The following NSDHL variants were observed in gnomAD, a reference collection of about 807,000 sequenced individuals.
The protein encoded by NSDHL is NAD(P) dependent 3-beta-hydroxysteroid dehydrogenase NSDHL.
Under a neutral mutation model 23.0 loss-of-function variants are expected in NSDHL, and 1 was observed. The ratio of observed to expected loss-of-function variants is 0.04; its 90% confidence interval spans 0.02 to 0.21. The LOEUF (loss-of-function observed/expected upper bound fraction) is 0.21, where lower values mean the gene tolerates loss of function less well. NSDHL is among the 10% of genes least tolerant of loss of function. The pLI is 1.00. For synonymous variants in NSDHL, 128 were observed against 121.1 expected (o/e 1.06, Z -0.37); for missense variants, 237 against 300.9 (o/e 0.79, Z 1.57).
chrX:152,843,334 G>C (rs1933222998), intron 1 of NSDHL, among the ~76,000 whole-genome samples: 2 of 111,918 alleles, frequency 1.8e-5, no homozygotes, highest in South Asian at 7.5e-4. Flanking sequence ...TAGTTTGCTG[G>C]GTCTGCTGTA....
chrX:152,863,664 G>GC (rs1451859243), intron 5 of NSDHL, among the ~76,000 whole-genome samples: 1 of 112,731 alleles, frequency 8.9e-6, no homozygotes, highest in Non-Finnish European at 1.9e-5. Context: ...GGGCTGTGGG[G>GC]CCCCTGACAA....
At chrX:152,856,356 C>A (rs1933444346) in intron 3 of NSDHL, among the ~76,000 whole-genome samples, 1 of 112,198 alleles carries the variant, frequency 8.9e-6, no homozygotes, top group Non-Finnish European at 1.9e-5. Context: ...TTTCTTTTTA[C>A]TTTTTAATGT....
Position 152,868,884 on chromosome X carries a change from A to C in NSDHL, c.890A>C (p.Tyr297Ser), listed in dbSNP as rs781876487. 75 of 1,209,334 alleles carry C rather than the reference A, an allele frequency of 6.2e-5. No individual in the cohort carries two copies. The highest frequency in any genetic ancestry group is 8.4e-5 in the Non-Finnish European group (75 of 894,408). ...GAGGCCCCCAAGTACCACATCCCCT[A>C]CTGGGTGGCCTACTACCTGGCCCTC... The part of the protein sequence containing the change: ...NYEAPKYHIP[Y>S]WVAYYLALLL... The change falls in exon 8 of 8, where the codon TAC becomes TCC. Residue 297 changes from tyrosine to serine, a missense_variant. Coordinates refer to ENST00000370274, the MANE Select transcript of NSDHL (RefSeq NM_015922.3).
intron 5 of NSDHL, among the ~76,000 whole-genome samples, chrX:152,863,796 G>A (rs1556847755): frequency 8.9e-6 from 1 of 112,009 alleles, no homozygotes; most frequent in African/African-American, 3.2e-5. Context: ...TCCCAGGTGT[G>A]TGCAGTGTAT....
intron 1 of NSDHL, among the ~76,000 whole-genome samples, chrX:152,845,380 G>A (rs963752616): frequency 8.9e-5 from 10 of 111,931 alleles, no homozygotes; most frequent in African/African-American, 2.3e-4. Flanking sequence ...TTGTCTTGTC[G>A]TGGGTTTTGC....
chrX:152,836,542 C>A (rs1556844120), intron 1 of NSDHL, among the ~76,000 whole-genome samples: 1 of 111,847 alleles, frequency 8.9e-6, no homozygotes, highest in Non-Finnish European at 1.9e-5. Context: ...TTTCCCAGCA[C>A]CATTTATTAA....
chrX:152,859,383 G>T (rs1371535269), intron 4 of NSDHL, among the ~76,000 whole-genome samples: 1 of 110,947 alleles, frequency 9.0e-6, no homozygotes, highest in Non-Finnish European at 1.9e-5. Context: ...CTCCTCAATC[G>T]CCCTTCCCTA....
intron 3 of NSDHL, among the ~76,000 whole-genome samples, chrX:152,852,386 C>CATGT (rs1933371204): frequency 8.9e-6 from 1 of 111,787 alleles, no homozygotes; most frequent in Admixed American, 9.5e-5. Context: ...TTTCTTCTTA[C>CATGT]AGAAACCTCA....
intron 4 of NSDHL, among the ~76,000 whole-genome samples, chrX:152,861,889 G>A (rs1556847561): frequency 8.9e-6 from 1 of 112,139 alleles, no homozygotes; most frequent in African/African-American, 3.2e-5. Context: ...TGTTTTCTGT[G>A]TAGATTTTTC....
chrX:152,850,778 T>C (rs1933344489), intron 3 of NSDHL, among the ~76,000 whole-genome samples: 1 of 112,537 alleles, frequency 8.9e-6, no homozygotes, highest in East Asian at 2.8e-4. Flanking sequence ...GATTTTTTAA[T>C]TGAGATATAA....
At chrX:152,843,853 A>G in intron 1 of NSDHL, among the ~76,000 whole-genome samples, 1 of 112,395 alleles carries the variant, frequency 8.9e-6, no homozygotes, top group East Asian at 2.8e-4. Flanking sequence ...CTCCTGCCCC[A>G]TGCTGTCGCT....
chrX:152,843,489 C>T (rs993739040), intron 1 of NSDHL, among the ~76,000 whole-genome samples: 14 of 111,675 alleles, frequency 1.3e-4, no homozygotes, highest in African/African-American at 4.2e-4. Flanking sequence ...TTGTTTCCAC[C>T]TTCTAGTGGC....
At chrX:152,851,641 G>A (rs1933358434) in intron 3 of NSDHL, among the ~76,000 whole-genome samples, 1 of 110,487 alleles carries the variant, frequency 9.1e-6, no homozygotes, top group Non-Finnish European at 1.9e-5. Context: ...CATCATTGCT[G>A]CCTCCGAACC....
At chrX:152,856,092 A>C (rs1052699268) in intron 3 of NSDHL, among the ~76,000 whole-genome samples, 17 of 111,788 alleles carry the variant, frequency 1.5e-4, no homozygotes, top group African/African-American at 5.5e-4. Flanking sequence ...AGTATTTCCC[A>C]CAGTCTGGGT....
chrX:152,842,497 T>G (rs1933208505), intron 1 of NSDHL, among the ~76,000 whole-genome samples: 1 of 111,449 alleles, frequency 9.0e-6, no homozygotes, highest in Non-Finnish European at 1.9e-5. Flanking sequence ...CGTTTTTTAT[T>G]TTTTGTTTTT....
chrX:152,856,460 G>A (rs868989543), intron 3 of NSDHL, among the ~76,000 whole-genome samples: 2 of 111,642 alleles, frequency 1.8e-5, no homozygotes, highest in Non-Finnish European at 3.8e-5. Context: ...TCCCTCTGGG[G>A]TATTATTACT....
chrX:152,853,149 G>GTGTGTGTGTC (rs1933385705), intron 3 of NSDHL, among the ~76,000 whole-genome samples: 1 of 108,527 alleles, frequency 9.2e-6, no homozygotes, highest in African/African-American at 3.4e-5. Flanking sequence ...GTGTGTGTGT[G>GTGTGTGTGTC]TGTGAGCGTA....
intron 1 of NSDHL, among the ~76,000 whole-genome samples, chrX:152,845,249 G>A (rs782499649): frequency 7.2e-5 from 8 of 111,829 alleles, no homozygotes; most frequent in African/African-American, 2.6e-4. Flanking sequence ...GGCAAGGAGT[G>A]TAAAATTCGA....
At chrX:152,862,808 A>G in intron 5 of NSDHL, 84 bp downstream of exon 5, 2 of 935,155 alleles carry the variant, frequency 2.1e-6, no homozygotes, top group Non-Finnish European at 3.1e-6. Flanking sequence ...TGAAGTTTGT[A>G]TTCTGAGGCC....
Sources: gnomAD v4.1 joint callset for allele counts (sites outside exome capture counted in the v4.1 genomes callset) on GRCh38, gnomAD v4.1.1 for gene constraint, MANE v1.5 for transcripts, NCBI Gene and HGNC (gene_info 2026-07-23, HGNC 2026-07-21) for gene names.